GALNT17: variants seen among roughly 807,000 people sequenced by gnomAD.
GALNT17 encodes the protein UDP-GalNAc:polypeptide N-acetylgalactosaminyltransferase-like 3.
A neutral mutation model predicts 63.7 loss-of-function variants in GALNT17; 29 were observed. The observed-to-expected ratio is 0.46, with a 90% CI of 0.34 to 0.62. The LOEUF is 0.62. GALNT17 is among the 20% of genes least tolerant of loss of function. GALNT17 has a pLI of 0.01. For synonymous variants in GALNT17, 305 were observed against 318.3 expected, an observed-to-expected ratio of 0.96 and a Z score of 0.45; for missense variants, 603 against 799.6, an observed-to-expected ratio of 0.75 and a Z score of 2.97.
chr7:71,380,463 G>A (rs1792824113), intron 2 of GALNT17, among the ~76,000 whole-genome samples: 1 of 151,898 alleles, frequency 6.6e-6, no homozygotes, highest in South Asian at 2.1e-4. Context: ...AGCCTCCTCA[G>A]TAGCCAACAC....
At chr7:71,481,373 C>A (rs1787814302) in intron 5 of GALNT17, among the ~76,000 whole-genome samples, 1 of 152,276 alleles carries the variant, frequency 6.6e-6, no homozygotes, top group East Asian at 1.9e-4. Flanking sequence ...ATCGCTTGAA[C>A]CCGGGAGGCA....
At chr7:71,348,689 C>T (rs976889402) in intron 2 of GALNT17, among the ~76,000 whole-genome samples, 1 of 152,204 alleles carries the variant, frequency 6.6e-6, no homozygotes, top group East Asian at 1.9e-4. Context: ...ATTTACAGTA[C>T]TGGCTGTTGT....
chr7:71,377,114 A>AAAAAAAAAAAATATAT, intron 2 of GALNT17, among the ~76,000 whole-genome samples: 1 of 57,468 alleles, frequency 1.7e-5, no homozygotes, highest in Non-Finnish European at 3.0e-5. Context: ...AAATAAAAAA[A>AAAAAAAAAAAATATAT]ATATATATAT....
chr7:71,522,435 G>A (rs923533056), intron 5 of GALNT17, among the ~76,000 whole-genome samples: 1 of 152,202 alleles, frequency 6.6e-6, no homozygotes, highest in Non-Finnish European at 1.5e-5. Context: ...CACAATCATG[G>A]TGGAAGTCAA....
chr7:71,403,396 GTAT>G (rs1199803236), intron 3 of GALNT17, among the ~76,000 whole-genome samples: 1 of 152,132 alleles, frequency 6.6e-6, no homozygotes. Flanking sequence ...AGGTGGTTTG[GTAT>G]TAGCAGAGCT....
At chr7:71,683,970 C>A (rs1187794672) in intron 9 of GALNT17, among the ~76,000 whole-genome samples, 5 of 144,588 alleles carry the variant, frequency 3.5e-5, no homozygotes, top group African/African-American at 1.3e-4. Context: ...GACCATGCCA[C>A]TGCACTCCAG....
chr7:71,438,154 T>C (rs1356534406), intron 5 of GALNT17, among the ~76,000 whole-genome samples: 1 of 152,176 alleles, frequency 6.6e-6, no homozygotes, highest in Non-Finnish European at 1.5e-5. Context: ...TATGTATGTA[T>C]GTATATGGGT....
chr7:71,134,838 T>G (rs1331277759), intron 1 of GALNT17, among the ~76,000 whole-genome samples: 38 of 19,958 alleles, frequency 1.9e-3, no homozygotes, highest in African/African-American at 0.012. Context: ...TTTTATGGTT[T>G]TTTTTTTTTT....
At chr7:71,191,912 G>T (rs1171903807) in intron 1 of GALNT17, among the ~76,000 whole-genome samples, 1 of 152,170 alleles carries the variant, frequency 6.6e-6, no homozygotes, top group East Asian at 1.9e-4. Flanking sequence ...TCACAGGATC[G>T]CAAGGTGAAG....
chr7:71,622,174 G>A (rs1443403576), intron 6 of GALNT17, among the ~76,000 whole-genome samples: 1 of 152,192 alleles, frequency 6.6e-6, no homozygotes, highest in African/African-American at 2.4e-5. Flanking sequence ...CAAAATCTGC[G>A]GGAATGGAAC....
intron 5 of GALNT17, among the ~76,000 whole-genome samples, chr7:71,443,194 T>A (rs1244320594): frequency 6.6e-6 from 1 of 152,170 alleles, no homozygotes; most frequent in Non-Finnish European, 1.5e-5. Flanking sequence ...GTTATTCTAG[T>A]TGAATACTGG....
intron 1 of GALNT17, among the ~76,000 whole-genome samples, chr7:71,145,896 G>T (rs1562861005): frequency 6.6e-6 from 1 of 152,164 alleles, no homozygotes; most frequent in Non-Finnish European, 1.5e-5. Flanking sequence ...AGTAGACACT[G>T]GTTTTCACCA....
At chr7:71,516,832 T>G (rs1788453058) in intron 5 of GALNT17, among the ~76,000 whole-genome samples, 10 of 152,158 alleles carry the variant, frequency 6.6e-5, no homozygotes, top group Admixed American at 5.2e-4. Flanking sequence ...CCAAGATAAC[T>G]ACTTTTATCC....
At chr7:71,377,442 C>T (rs549348609) in intron 2 of GALNT17, among the ~76,000 whole-genome samples, 1 of 151,988 alleles carries the variant, frequency 6.6e-6, no homozygotes, top group Non-Finnish European at 1.5e-5. Flanking sequence ...GCAACAGAAC[C>T]TGGGCTAGTC....
chr7:71,543,572 G>T (rs1788929091), intron 5 of GALNT17, among the ~76,000 whole-genome samples: 1 of 152,112 alleles, frequency 6.6e-6, no homozygotes. Context: ...TATGAAACAT[G>T]CCTGGAAATC....
At chr7:71,276,603 C>A (rs1041405750) in intron 1 of GALNT17, among the ~76,000 whole-genome samples, 1 of 152,156 alleles carries the variant, frequency 6.6e-6, no homozygotes, top group African/African-American at 2.4e-5. Flanking sequence ...TGCCTACCAC[C>A]ATGTAAGACG....
intron 5 of GALNT17, among the ~76,000 whole-genome samples, chr7:71,540,953 G>A (rs1788880160): frequency 6.6e-6 from 1 of 151,962 alleles, no homozygotes; most frequent in Admixed American, 6.6e-5. Flanking sequence ...AAGAAACGAT[G>A]GCCAGCCGGG....
chr7:71,647,730 A>G (rs1790700264), intron 6 of GALNT17, among the ~76,000 whole-genome samples: 1 of 152,162 alleles, frequency 6.6e-6, no homozygotes, highest in Admixed American at 6.5e-5. Flanking sequence ...GTAATCATAC[A>G]CATTCTCCAA....
At chr7:71,226,338 G>A (rs946734158) in intron 1 of GALNT17, among the ~76,000 whole-genome samples, 1 of 152,122 alleles carries the variant, frequency 6.6e-6, no homozygotes, top group Non-Finnish European at 1.5e-5. Context: ...GGAACCCCGG[G>A]GTGGAGACAG....
Sources: gnomAD v4.1 joint callset for allele counts (sites outside exome capture counted in the v4.1 genomes callset) on GRCh38, gnomAD v4.1.1 for gene constraint, MANE v1.5 for transcripts, NCBI Gene and HGNC (gene_info 2026-07-23, HGNC 2026-07-21) for gene names.